ANO7: variants seen among roughly 807,000 people sequenced by gnomAD.
ANO7 encodes anoctamin 7, also known as anoctamin-7.
Under a neutral mutation model 115.8 loss-of-function variants are expected in ANO7, and 114 were observed. The ratio of observed to expected loss-of-function variants is 0.98; its 90% CI spans 0.85 to 1.15. The LOEUF is 1.15. Among genes scored for constraint, ANO7 ranks in the 50% most tolerant of loss-of-function variants. The pLI is 0.00. For synonymous variants in ANO7, 550 were observed against 498.2 expected, an observed-to-expected ratio of 1.10 and a Z score of -1.38; for missense variants, 1,302 against 1,201.2, an observed-to-expected ratio of 1.08 and a Z score of -1.24.
rs1290725046 is a variant in ANO7, at chr2:241,223,730, C to T, written c.2481C>T (p.Ile827=). ...CTGACATCCCAGAGTCTGTGGAGAT[C>T]AAAGTGAAGCGGGAGTACTACCTGG... ...LVPDIPESVE[I]KVKREYYLAK... is the part of the protein sequence containing the mutation. Residue 827 remains isoleucine, a synonymous_variant, in exon 23 of 25, where the codon ATC becomes ATT. Transcript: ENST00000674324. 6.2e-7 allele frequency: 1 copy of T among 1,614,162 alleles called. No homozygotes were observed. The highest frequency in any genetic ancestry group is 8.5e-7 in the Non-Finnish European group (1 of 1,180,022).
intron 6 of ANO7, 148 bp downstream of exon 6, chr2:241,200,373 GTGTCTGCATTTCC>G (rs2068441247): frequency 8.7e-7 from 1 of 1,150,014 alleles, no homozygotes; most frequent in East Asian, 2.6e-5. Flanking sequence ...CGCTTATCGC[GTGTCTGCATTTCC>G]AAATGCCGCT....
rs2069101351 is a variant in ANO7 at position 241,224,202 on chromosome 2, C to T, written c.*49C>T. ...CCTTAGGGGAGTGGCCCCTCCTGAG[C>T]CCTGCGAGCAGCGTCCTTTTCCTCT... On this transcript the variant is annotated 3_prime_UTR_variant, in exon 25 of 25. Transcript: ENST00000674324. The T allele has an allele frequency of 6.2e-7, 1 of 1,600,352 alleles. No individual in the cohort carries two copies. Among genetic ancestry groups the T allele is most frequent in the Non-Finnish European group, 8.6e-7 (1 of 1,169,204 alleles).
rs780145844 is a variant in ANO7, at chr2:241,223,718, GTC to G, written c.2471_2472del (p.Ser824CysfsTer13). Reference sequence around the variant, plus strand: ...ACCTCCTGGTGCCTGACATCCCAGAGTCTGTGGAGATCAAAGTGAAGCGGGAG... The same window carrying G: ...ACCTCCTGGTGCCTGACATCCCAGAGTGTGGAGATCAAAGTGAAGCGGGAG... ...LDLLVPDIPESVEIKVKREYY... is the reference protein window; with the variant it reads ...LDLLVPDIPEXVEIKVKREYY... On this transcript the variant is annotated frameshift_variant, in exon 23 of 25. Transcript: ENST00000674324. LOFTEE classifies it high-confidence loss of function. 1.2e-6 allele frequency: 2 copies of G among 1,614,200 alleles called. No homozygotes were observed. Among genetic ancestry groups the G allele is most frequent in the South Asian group, 2.2e-5 (2 of 91,082 alleles).
intron 15 of ANO7, among the ~76,000 whole-genome samples, chr2:241,211,294 C>A (rs1409542448): frequency 5.3e-5 from 8 of 150,506 alleles, no homozygotes; most frequent in Non-Finnish European, 1.0e-4. Context: ...TGGGCAGCCA[C>A]CTCTCAGTTC....
At position 241,223,739 on chromosome 2, in the gene ANO7, GC is replaced by G. The variant is rs1343759462; in HGVS notation, c.2491del (p.Arg831GlyfsTer82). ...CAGAGTCTGTGGAGATCAAAGTGAAGCGGGAGTACTACCTGGCTAAGCAGGC... is the reference window on the plus strand; with the variant it reads ...CAGAGTCTGTGGAGATCAAAGTGAAGGGGAGTACTACCTGGCTAAGCAGGC... ...IPESVEIKVK[R>X]EYYLAKQALA... is the part of the protein sequence containing the mutation. On this transcript the variant is annotated frameshift_variant, in exon 23 of 25. Transcript: ENST00000674324. LOFTEE classifies it high-confidence loss of function. The G allele has an allele frequency of 3.7e-6, 6 of 1,614,214 alleles. No individual in the cohort carries two copies. The South Asian group carries it at 6.6e-5, about 18-fold the overall frequency.
At chr2:241,196,272 T>C in intron 4 of ANO7, 2 of 715,810 alleles carry the variant, frequency 2.8e-6, no homozygotes, top group Non-Finnish European at 3.5e-6. Flanking sequence ...TTAGAATCAT[T>C]TAAGCAACAG....
At position 241,200,200 on chromosome 2, in the gene ANO7, C is replaced by A; in HGVS notation, c.529C>A (p.Arg177=). The part of the protein sequence containing the change: ...PDVPPEYYSC[R]FRVNKLPRFL... ...CGTACCCCCCGAGTACTACTCCTGC[C>A]GGTTCAGAGTGAACAAGCTGCCACG... The change falls in exon 6 of 25, where the codon CGG becomes AGG. Residue 177 remains arginine, a synonymous_variant. Coordinates refer to ENST00000674324, the MANE Select transcript of ANO7 (RefSeq NM_001370694.2). 2.5e-6 allele frequency: 4 copies of A among 1,613,106 alleles called. No homozygotes were observed. The highest frequency in any genetic ancestry group is 3.4e-6 in the Non-Finnish European group (4 of 1,179,954).
rs951067581 is a variant in ANO7 at position 241,224,229 on chromosome 2, C to A, written c.*76C>A. On this transcript the variant is annotated 3_prime_UTR_variant, in exon 25 of 25. Coordinates refer to ENST00000674324, the MANE Select transcript of ANO7 (RefSeq NM_001370694.2). ...CTGCGAGCAGCGTCCTTTTCCTCTTCCCTCAGGCAGCGGCTGTGTGAACCG... is the reference window on the plus strand; with the variant it reads ...CTGCGAGCAGCGTCCTTTTCCTCTTACCTCAGGCAGCGGCTGTGTGAACCG... 6.5e-7 allele frequency: 1 copy of A among 1,527,178 alleles called. No individual in the cohort carries two copies. Among genetic ancestry groups the A allele is most frequent in the Non-Finnish European group, 9.0e-7 (1 of 1,110,130 alleles). The allele number at this position is 1,527,178 out of a possible 1,614,324, so 94.6% of individuals were successfully genotyped here.
At position 241,223,186 on chromosome 2, in the gene ANO7, G is replaced by C; in HGVS notation, c.2322G>C (p.Arg774Ser). The C allele has an allele frequency of 1.9e-6, 3 of 1,614,106 alleles. No homozygotes were observed. The highest frequency in any genetic ancestry group is 2.5e-6 in the Non-Finnish European group (3 of 1,179,930). ...SFAAAHNRTC[R>S]YRAFRDDDGH... The stretch of plus-strand genomic sequence containing the variant: ...GCACTGAGTCCTGTGTCTGCTGCAG[G>C]TATCGGGCTTTCCGGGATGACGATG... The change falls in exon 22 of 25, where the codon AGG (arginine) becomes AGC (serine). Residue 774 changes from arginine to serine, a missense_variant and splice_region_variant. By Grantham distance (110) the Arg-to-Ser change is moderately radical. Transcript: ENST00000674324.
chr2:241,231,936 A>G, the ANO7 span, among the ~76,000 whole-genome samples: 1 of 151,860 alleles, frequency 6.6e-6, no homozygotes, highest in African/African-American at 2.4e-5. Flanking sequence ...GACAGGGACA[A>G]ATCACAACAC....
At chr2:241,210,834 A>AT (rs142419766) in intron 15 of ANO7, among the ~76,000 whole-genome samples, 21,364 of 145,866 alleles carry the variant, frequency 0.15, 2,436 homozygotes, top group African/African-American at 0.33. Flanking sequence ...CCCAGCTGAA[A>AT]TTTTTTTTTT....
Position 241,200,175 on chromosome 2 carries a change from C to T in ANO7, c.504C>T (p.Asp168=), listed in dbSNP as rs766364997. 63 of 1,613,024 alleles carry T rather than the reference C, an allele frequency of 3.9e-5. No homozygotes were observed. Among genetic ancestry groups the T allele is most frequent in the Non-Finnish European group, 4.9e-5 (58 of 1,180,008 alleles). The change falls in exon 6 of 25, where the codon GAC becomes GAT. Residue 168 remains aspartate (D), a synonymous_variant. Coordinates refer to ENST00000674324, the MANE Select transcript of ANO7 (RefSeq NM_001370694.2). ...ACGTCCTGCTGGAGGTTGTGCCAGACGTACCCCCCGAGTACTACTCCTGCC... is the reference window on the plus strand; with the variant it reads ...ACGTCCTGCTGGAGGTTGTGCCAGATGTACCCCCCGAGTACTACTCCTGCC... ...IPNVLLEVVP[D]VPPEYYSCRF...
downstream of ANO7, among the ~76,000 whole-genome samples, chr2:241,226,703 C>T (rs1431203543): frequency 1.3e-5 from 2 of 152,146 alleles, no homozygotes; most frequent in African/African-American, 2.4e-5. Context: ...GGATTACAGG[C>T]GTGAGCCACC....
rs2068729226 is a variant in ANO7 at position 241,212,024 on chromosome 2, A to G, written c.1562-70A>G. On this transcript the variant is annotated intron_variant, in intron 15 of 24. Transcript: ENST00000674324. The stretch of plus-strand genomic sequence containing the variant: ...CACCCGTGTGTGGCAAGGTGGTCCT[A>G]GGAGAGGGGGCCCCTAGTTGGATGC... 2.5e-6 allele frequency: 3 copies of G among 1,201,798 alleles called. No individual in the cohort carries two copies. The South Asian group carries it at 3.6e-5, about 15-fold the overall frequency. The allele number at this position is 1,201,798 out of a possible 1,614,324, so 74.4% of individuals were successfully genotyped here.
Position 241,209,636 on chromosome 2 carries a change from G to T in ANO7, c.1359+1G>T. On this transcript the variant is annotated splice_donor_variant, in intron 13 of 24. Coordinates refer to ENST00000674324, the MANE Select transcript of ANO7 (RefSeq NM_001370694.2). LOFTEE classifies it high-confidence loss of function. ...CGGCTCTGTGGTGATCGTGGTGATGGTATGCGGTCCCCCTGCCCTCCGCTC... is the reference window on the plus strand; with the variant it reads ...CGGCTCTGTGGTGATCGTGGTGATGTTATGCGGTCCCCCTGCCCTCCGCTC... 6.5e-7 allele frequency: 1 copy of T among 1,544,498 alleles called. No homozygotes were observed.
At chr2:241,200,324 C>T (rs1340751631) in intron 6 of ANO7, 99 bp downstream of exon 6, 1 of 1,472,494 alleles carries the variant, frequency 6.8e-7, no homozygotes, top group African/African-American at 1.4e-5. Context: ...ACTCTCCTCA[C>T]CTGGAGTTTT....
In ANO7 at chr2:241,208,955, C is replaced by T. The variant is rs546260820; in HGVS notation, c.1078-330C>T. Among the ~76,000 whole-genome samples the T allele has an allele frequency of 2.0e-4, 30 of 152,252 alleles. No individual in the cohort carries two copies. In the South Asian group the frequency reaches 5.6e-3, roughly 28 times the overall value. The stretch of plus-strand genomic sequence containing the variant: ...ACAAGGTCAGAAGATCGAGACCATC[C>T]TGGCTAACACGGTGAAACCTCGTCT... On this transcript the variant is annotated intron_variant, in intron 11 of 24. Coordinates refer to ENST00000674324, the MANE Select transcript of ANO7 (RefSeq NM_001370694.2).
intron 3 of ANO7, among the ~76,000 whole-genome samples, chr2:241,195,110 C>T (rs1432483603): frequency 6.6e-6 from 1 of 152,224 alleles, no homozygotes; most frequent in Non-Finnish European, 1.5e-5. Flanking sequence ...CAAGCTCCAG[C>T]CCCCTTAGCA....
chr2:241,219,963 T>G (rs1415525555), intron 21 of ANO7, among the ~76,000 whole-genome samples: 1 of 152,230 alleles, frequency 6.6e-6, no homozygotes, highest in Non-Finnish European at 1.5e-5. Context: ...GATCTTCACA[T>G]GCCTTACCAC....
Sources: allele counts gnomAD v4.1 joint callset (sites outside exome capture counted in the v4.1 genomes callset), GRCh38; gene constraint gnomAD v4.1.1; transcripts MANE v1.5; gene names NCBI Gene and HGNC (gene_info 2026-07-23, HGNC 2026-07-21).